STIM1: variants seen among roughly 807,000 people sequenced by gnomAD.
STIM1 encodes stromal interaction molecule 1.
In STIM1, 25 loss-of-function variants were observed where a neutral mutation model predicts 74.7. The observed-to-expected ratio is 0.33, with a 90% CI of 0.24 to 0.47. The LOEUF is 0.47. Ranked by LOEUF, STIM1 falls within the 20% of genes least tolerant of loss-of-function variation. STIM1 has a pLI of 1.00. For synonymous variants in STIM1, 328 were observed against 348.8 expected (o/e 0.94, Z 0.66); for missense variants, 728 against 920.8 (o/e 0.79, Z 2.71).
Position 4,091,347 on chromosome 11 carries a change from A to G in STIM1, c.1700A>G (p.Lys567Arg), listed in dbSNP as rs140122024. The G allele has an allele frequency of 9.3e-5, 150 of 1,614,008 alleles. No homozygotes were observed. Among genetic ancestry groups the G allele is most frequent in the Non-Finnish European group, 1.2e-4 (136 of 1,180,022 alleles). Residue 567 changes from lysine (K) to arginine (R), a missense_variant, in exon 13 of 13, where the codon AAA becomes AGA. This residue lies in a region of STIM1 where 352 missense variants were observed against 370.1 expected (regional missense o/e 0.95). Transcript: ENST00000526596. ...AGTGACCGCCAGCGTGTGGCCCCCA[A>G]ACCTCCTCAGATGAGCCGTGCTGCA... ...HMSDRQRVAP[K>R]PPQMSRAADE...
At chr11:4,047,938 C>T (rs1210249513) in intron 3 of STIM1, among the ~76,000 whole-genome samples, 1 of 151,954 alleles carries the variant, frequency 6.6e-6, no homozygotes, top group African/African-American at 2.4e-5. Flanking sequence ...TCTGCCTCAG[C>T]CTCCCAAGTA....
rs1490661362 is a variant in STIM1 at position 4,091,318 on chromosome 11, C to T, written c.1671C>T (p.His557=). ...LTHSDSESSL[H]MSDRQRVAPK... is the part of the protein sequence containing the mutation. ...ATTCCGATTCGGAGTCCTCCCTCCA[C>T]ATGAGTGACCGCCAGCGTGTGGCCC... Residue 557 remains histidine (H), a synonymous_variant, in exon 13 of 13, where the codon CAC becomes CAT. Transcript: ENST00000526596. 12 of 1,614,222 alleles carry T rather than the reference C, an allele frequency of 7.4e-6. No individual in the cohort carries two copies. The highest frequency in any genetic ancestry group is 1.7e-4 in the Middle Eastern group (1 of 6,060).
chr11:4,074,254 C>T (rs2094423760), intron 6 of STIM1, among the ~76,000 whole-genome samples: 1 of 152,200 alleles, frequency 6.6e-6, no homozygotes, highest in Non-Finnish European at 1.5e-5. Flanking sequence ...AGGAGGGATT[C>T]AGATGCCTGA....
At chr11:4,015,322 G>A (rs974548780) in intron 2 of STIM1, among the ~76,000 whole-genome samples, 5 of 152,174 alleles carry the variant, frequency 3.3e-5, no homozygotes, top group Non-Finnish European at 7.3e-5. Context: ...TAGTTTGGCT[G>A]GATATGAAAT....
At chr11:4,049,237 A>G (rs2094218167) in intron 3 of STIM1, among the ~76,000 whole-genome samples, 1 of 152,110 alleles carries the variant, frequency 6.6e-6, no homozygotes, top group Non-Finnish European at 1.5e-5. Flanking sequence ...AAAAGGGAGA[A>G]TGTACTTCTT....
At chr11:3,919,379 AT>A (rs1459273418) in intron 1 of STIM1, among the ~76,000 whole-genome samples, 1 of 151,888 alleles carries the variant, frequency 6.6e-6, no homozygotes, top group African/African-American at 2.4e-5. Context: ...CTAATTTTGT[AT>A]TTTTAGTAGA....
At chr11:3,874,051 C>T (rs1439795031) in intron 1 of STIM1, among the ~76,000 whole-genome samples, 1 of 152,206 alleles carries the variant, frequency 6.6e-6, no homozygotes, top group East Asian at 1.9e-4. Flanking sequence ...GAAGTTGGCA[C>T]AGAGCTATTT....
At chr11:3,860,955 A>G (rs943533367) in intron 1 of STIM1, among the ~76,000 whole-genome samples, 6 of 152,268 alleles carry the variant, frequency 3.9e-5, no homozygotes, top group African/African-American at 1.4e-4. Flanking sequence ...CAGTATAGAC[A>G]TTGTAGGCTA....
chr11:3,970,410 A>G (rs1264220269), intron 2 of STIM1, among the ~76,000 whole-genome samples: 2 of 152,140 alleles, frequency 1.3e-5, no homozygotes, highest in Non-Finnish European at 1.5e-5. Context: ...GTCACTTCAA[A>G]CATGTATAAG....
At chr11:4,073,164 T>G (rs1486403830) in intron 6 of STIM1, among the ~76,000 whole-genome samples, 1 of 151,870 alleles carries the variant, frequency 6.6e-6, no homozygotes, top group Non-Finnish European at 1.5e-5. Flanking sequence ...TCCTTTCTTT[T>G]CTATACCTCA....
In STIM1 at chr11:3,973,891, A is replaced by AT. The variant is rs201438719; in HGVS notation, c.270+6216dup. 1,872 of 472,396 alleles carry AT rather than the reference A, an allele frequency of 4.0e-3. 33 individuals are homozygous for AT. Among genetic ancestry groups the AT allele is most frequent in the African/African-American group, 0.033 (1,650 of 50,716 alleles). The allele number at this position is 472,396 out of a possible 1,614,324, so 29.3% of individuals were successfully genotyped here. ...ACCATACCCAGCTAATTTAAAACAA[A>AT]TTTTTTTAAATTTAAAATGTATCTT... On this transcript the variant is annotated intron_variant, in intron 2 of 12. Coordinates refer to ENST00000526596, the MANE Select transcript of STIM1 (RefSeq NM_001382567.1).
At chr11:3,882,484 T>G (rs1401263529) in intron 1 of STIM1, among the ~76,000 whole-genome samples, 1 of 152,206 alleles carries the variant, frequency 6.6e-6, no homozygotes, top group Admixed American at 6.5e-5. Flanking sequence ...CGTGGGCAAT[T>G]TGGGCTGTTT....
intron 1 of STIM1, among the ~76,000 whole-genome samples, chr11:3,894,743 C>G (rs2092004560): frequency 1.3e-5 from 2 of 151,804 alleles, no homozygotes; most frequent in South Asian, 4.2e-4. Flanking sequence ...GTTCTTTTTT[C>G]TTTTCTTTTT....
At chr11:4,084,794 T>C (rs1289275751) in intron 11 of STIM1, 29 bp downstream of exon 11, 7 of 1,288,062 alleles carry the variant, frequency 5.4e-6, no homozygotes, top group Non-Finnish European at 7.1e-6. Context: ...GGGCATTTTG[T>C]TTTTCTGACT....
At chr11:4,027,227 A>G (rs528659932) in intron 3 of STIM1, among the ~76,000 whole-genome samples, 2 of 152,230 alleles carry the variant, frequency 1.3e-5, no homozygotes, top group South Asian at 4.1e-4. Context: ...AAGAACTGGT[A>G]AAGCAGGGTT....
intron 1 of STIM1, among the ~76,000 whole-genome samples, chr11:3,868,512 G>A (rs930647306): frequency 5.3e-5 from 8 of 152,180 alleles, no homozygotes; most frequent in Non-Finnish European, 1.0e-4. Context: ...TGGGGTGGCG[G>A]GGAAGAAACA....
At chr11:4,088,860 A>G (rs1411340662) in intron 12 of STIM1, 4 of 983,080 alleles carry the variant, frequency 4.1e-6, no homozygotes, top group African/African-American at 1.6e-5. Context: ...TTTCCCTCCT[A>G]TATCTCCCTA....
rs373379798 is a variant in STIM1 at position 3,914,848 on chromosome 11, A to T, written c.140-52704A>T. Among the ~76,000 whole-genome samples, 5 of 152,226 alleles carry T rather than the reference A, an allele frequency of 3.3e-5. No homozygotes were observed. The East Asian group carries it at 9.6e-4, about 29-fold the overall frequency. On this transcript the variant is annotated intron_variant, in intron 1 of 12. Coordinates refer to ENST00000526596, the MANE Select transcript of STIM1 (RefSeq NM_001382567.1). ...CCAAACTGTTTTCCATAGCAGCTAT[A>T]CCATTTTACATTCCCATCAGCAGTG...
intron 1 of STIM1, among the ~76,000 whole-genome samples, chr11:3,875,678 A>T (rs1173667634): frequency 6.6e-6 from 1 of 151,784 alleles, no homozygotes; most frequent in East Asian, 1.9e-4. Context: ...TTGAGCCAAG[A>T]TCATGCCACT....
Sources: gnomAD v4.1 joint callset for allele counts (sites outside exome capture counted in the v4.1 genomes callset) on GRCh38, gnomAD v4.1.1 for gene constraint, gnomAD v4.1.1 regional missense constraint, MANE v1.5 for transcripts, NCBI Gene and HGNC (gene_info 2026-07-23, HGNC 2026-07-21) for gene names.